The following NEGR1 variants were observed in gnomAD, a reference collection of about 807,000 sequenced individuals.
NEGR1 encodes neuronal growth regulator 1, also known as IgLON family member 4.
A neutral mutation model predicts 40.9 loss-of-function variants in NEGR1; 10 were observed. The observed-to-expected ratio is 0.24, with a 90% confidence interval of 0.15 to 0.42. The LOEUF (loss-of-function observed/expected upper bound fraction) is 0.42, where lower values mean the gene tolerates loss of function less well. NEGR1 is among the 10% of genes least tolerant of loss of function. The pLI is 1.00. For missense variants in NEGR1, 352 were observed against 438.9 expected (o/e 0.80, Z 1.77); for synonymous variants, 185 against 166.8 (o/e 1.11, Z -0.84).
intron 3 of NEGR1, among the ~76,000 whole-genome samples, chr1:71,701,506 T>C (rs913271815): frequency 1.6e-4 from 25 of 152,032 alleles, no homozygotes; most frequent in Admixed American, 5.3e-4. Context: ...TCTACTGTTT[T>C]CTTCTTTCAC....
At chr1:71,485,150 T>C (rs1360351785) in intron 6 of NEGR1, among the ~76,000 whole-genome samples, 1 of 151,550 alleles carries the variant, frequency 6.6e-6, no homozygotes, top group East Asian at 1.9e-4. Flanking sequence ...GTTTAGATAA[T>C]TGTGTGTGTG....
At chr1:71,438,022 T>C (rs1401970465) in intron 6 of NEGR1, among the ~76,000 whole-genome samples, 1 of 152,250 alleles carries the variant, frequency 6.6e-6, no homozygotes, top group Non-Finnish European at 1.5e-5. Context: ...ATATTGTTCT[T>C]GCATCTATTT....
intron 1 of NEGR1, among the ~76,000 whole-genome samples, chr1:72,109,184 A>C (rs1649256611): frequency 6.6e-6 from 1 of 151,744 alleles, no homozygotes; most frequent in Admixed American, 6.6e-5. Flanking sequence ...AGCTTATAGA[A>C]AAGTAGAGGT....
intron 6 of NEGR1, among the ~76,000 whole-genome samples, chr1:71,435,514 C>T (rs1000450632): frequency 5.4e-5 from 8 of 149,428 alleles, no homozygotes; most frequent in Non-Finnish European, 1.0e-4. Flanking sequence ...TTAATAAGCA[C>T]AAAAGTGCTG....
At chr1:71,733,892 T>G (rs1654964362) in intron 3 of NEGR1, among the ~76,000 whole-genome samples, 1 of 152,190 alleles carries the variant, frequency 6.6e-6, no homozygotes, top group South Asian at 2.1e-4. Flanking sequence ...GGATAACTTG[T>G]TCATTGATTT....
At chr1:71,635,682 CAT>C (rs1231372781) in intron 4 of NEGR1, among the ~76,000 whole-genome samples, 4 of 152,136 alleles carry the variant, frequency 2.6e-5, no homozygotes, top group African/African-American at 2.4e-5. Context: ...AGTTTGAAAA[CAT>C]GTGGAGTTTG....
intron 4 of NEGR1, among the ~76,000 whole-genome samples, chr1:71,620,902 A>G (rs1398534368): frequency 6.6e-6 from 1 of 151,960 alleles, no homozygotes; most frequent in African/African-American, 2.4e-5. Context: ...TCTAAATCCC[A>G]GTTTTCTCAC....
At chr1:71,718,330 C>T (rs866938081) in intron 3 of NEGR1, among the ~76,000 whole-genome samples, 5 of 152,148 alleles carry the variant, frequency 3.3e-5, no homozygotes, top group East Asian at 1.9e-4. Flanking sequence ...CCACCACTCT[C>T]GCTTGCTCCT....
chr1:71,572,160 C>T (rs1400715300), intron 6 of NEGR1, among the ~76,000 whole-genome samples: 3 of 152,168 alleles, frequency 2.0e-5, no homozygotes, highest in Non-Finnish European at 2.9e-5. Flanking sequence ...AAAACTCTAA[C>T]AAGCCATCTA....
intron 4 of NEGR1, among the ~76,000 whole-genome samples, chr1:71,653,121 A>C (rs1283137357): frequency 6.6e-6 from 1 of 152,146 alleles, no homozygotes; most frequent in Non-Finnish European, 1.5e-5. Context: ...TTTGTATTTA[A>C]AATTCAAATG....
At chr1:71,612,582 T>C (rs1365859949) in intron 4 of NEGR1, among the ~76,000 whole-genome samples, 1 of 152,076 alleles carries the variant, frequency 6.6e-6, no homozygotes, top group African/African-American at 2.4e-5. Context: ...TTAAATAAAA[T>C]GTTAGAAGGT....
chr1:71,762,680 A>G (rs1655986914), intron 3 of NEGR1, among the ~76,000 whole-genome samples: 1 of 152,146 alleles, frequency 6.6e-6, no homozygotes, highest in African/African-American at 2.4e-5. Flanking sequence ...TGAATATAAA[A>G]AGCTAATTTC....
At chr1:72,116,067 T>A (rs1649567846) in intron 1 of NEGR1, among the ~76,000 whole-genome samples, 1 of 151,726 alleles carries the variant, frequency 6.6e-6, no homozygotes, top group Non-Finnish European at 1.5e-5. Context: ...AGCAAGGAGA[T>A]CACCCTAGAC....
At chr1:71,437,948 G>C (rs1428699994) in intron 6 of NEGR1, among the ~76,000 whole-genome samples, 1 of 152,146 alleles carries the variant, frequency 6.6e-6, no homozygotes, top group East Asian at 1.9e-4. Flanking sequence ...GGCCTCTCAA[G>C]AACTCTTATT....
At chr1:71,465,306 A>G (rs1397875800) in intron 6 of NEGR1, among the ~76,000 whole-genome samples, 1 of 152,060 alleles carries the variant, frequency 6.6e-6, no homozygotes, top group Non-Finnish European at 1.5e-5. Context: ...CTCTGCCTTG[A>G]TGGAGCTTGC....
intron 5 of NEGR1, among the ~76,000 whole-genome samples, chr1:71,605,645 T>G (rs1217848413): frequency 6.6e-6 from 1 of 152,228 alleles, no homozygotes; most frequent in East Asian, 1.9e-4. Context: ...GTCTTTTCAC[T>G]GCATATGCAT....
chr1:72,076,357 G>A (rs894695930), intron 1 of NEGR1, among the ~76,000 whole-genome samples: 2 of 152,072 alleles, frequency 1.3e-5, no homozygotes, highest in African/African-American at 4.8e-5. Context: ...ACAGACCCTC[G>A]CAAGACACCA....
chr1:72,199,114 T>C (rs1469901412), intron 1 of NEGR1, among the ~76,000 whole-genome samples: 1 of 150,528 alleles, frequency 6.6e-6, no homozygotes, highest in Admixed American at 6.6e-5. Context: ...TATCATATAG[T>C]ATTTAGTACA....
chr1:71,505,281 C>CTTTTTCTTTT (rs974275190), intron 6 of NEGR1, among the ~76,000 whole-genome samples: 1 of 151,714 alleles, frequency 6.6e-6, no homozygotes, highest in Admixed American at 6.6e-5. Context: ...CACCCTGTTT[C>CTTTTTCTTTT]TTTTTCTTTT....
Sources: gnomAD v4.1 joint callset for allele counts (sites outside exome capture counted in the v4.1 genomes callset) on GRCh38, gnomAD v4.1.1 for gene constraint, MANE v1.5 for transcripts, NCBI Gene and HGNC (gene_info 2026-07-23, HGNC 2026-07-21) for gene names.